The following CACNA2D2 variants were observed in gnomAD, a reference collection of about 807,000 sequenced individuals.
CACNA2D2 encodes the protein calcium voltage-gated channel auxiliary subunit alpha2delta 2.
Under a neutral mutation model 166.4 loss-of-function variants are expected in CACNA2D2, and 48 were observed. That is an observed-to-expected ratio of 0.29 (90% confidence interval 0.23 to 0.37). The LOEUF (loss-of-function observed/expected upper bound fraction) is 0.37. CACNA2D2 is among the 10% of genes least tolerant of loss of function. The pLI is 1.00. For synonymous variants in CACNA2D2, 561 were observed against 573.7 expected (o/e 0.98, Z 0.32); for missense variants, 1,122 against 1,433.0 (o/e 0.78, Z 3.50).
At chr3:50,400,285 T>TCTG (rs745832761) in intron 3 of CACNA2D2, among the ~76,000 whole-genome samples, 1 of 152,230 alleles carries the variant, frequency 6.6e-6, no homozygotes, top group Non-Finnish European at 1.5e-5. Flanking sequence ...CCTGTGGGCC[T>TCTG]CTGCTGCTGC....
chr3:50,368,274 G>A (rs777156879), intron 23 of CACNA2D2, 39 bp from the exon 24 acceptor site: 1 of 1,268,396 alleles, frequency 7.9e-7, no homozygotes, highest in Non-Finnish European at 1.2e-6. Context: ...GGCTTGGGGG[G>A]CTGGACAGGG....
chr3:50,487,263 A>T (rs1361093772), intron 1 of CACNA2D2, among the ~76,000 whole-genome samples: 2 of 152,200 alleles, frequency 1.3e-5, no homozygotes, highest in African/African-American at 4.8e-5. Context: ...GCCTTTTCCA[A>T]CTTTGAGAAG....
intron 2 of CACNA2D2, among the ~76,000 whole-genome samples, chr3:50,473,317 C>A (rs1042054445): frequency 6.6e-6 from 1 of 152,244 alleles, no homozygotes; most frequent in African/African-American, 2.4e-5. Context: ...ACGCTACTGT[C>A]TGCAGTTTCT....
Position 50,379,647 on chromosome 3 carries a change from G to T in CACNA2D2, c.994-57C>A. On this transcript the variant is annotated intron_variant, in intron 10 of 37. Coordinates refer to ENST00000424201, the MANE Select transcript of CACNA2D2 (RefSeq NM_006030.4). This position sits in a 1 kb window ranked among gnomAD's most constrained non-coding sequence, Gnocchi z 6.5. ...AGGCTGGCCGGGGTAGGCAGCTATT[G>T]CATGGGGCTGGTGATGGTCACAGGA... 6.2e-6 allele frequency: 10 copies of T among 1,612,018 alleles called. No homozygotes were observed. The highest frequency in any genetic ancestry group is 8.5e-6 in the Non-Finnish European group (10 of 1,178,596).
chr3:50,386,171 G>C (rs183250343), intron 5 of CACNA2D2, among the ~76,000 whole-genome samples: 1 of 152,134 alleles, frequency 6.6e-6, no homozygotes, highest in East Asian at 1.9e-4. Context: ...CTCTCTTTTC[G>C]GGCAATCTCT....
At chr3:50,441,152 G>C (rs1441789515) in intron 2 of CACNA2D2, among the ~76,000 whole-genome samples, 1 of 152,044 alleles carries the variant, frequency 6.6e-6, no homozygotes, top group Non-Finnish European at 1.5e-5. Context: ...AGGGACATGT[G>C]ACTGACCACA....
At chr3:50,441,165 G>T (rs1205350181) in intron 2 of CACNA2D2, among the ~76,000 whole-genome samples, 2 of 152,084 alleles carry the variant, frequency 1.3e-5, no homozygotes, top group African/African-American at 4.8e-5. Flanking sequence ...TGACCACAAG[G>T]TGAGAAAGGC....
intron 2 of CACNA2D2, among the ~76,000 whole-genome samples, chr3:50,471,234 G>A (rs1316189748): frequency 6.6e-6 from 1 of 151,956 alleles, no homozygotes; most frequent in African/African-American, 2.4e-5. Flanking sequence ...CTGCAGAGGG[G>A]CTGTGCCATG....
At position 50,380,065 on chromosome 3, in the gene CACNA2D2, T is replaced by A. The variant is rs1705222776; in HGVS notation, c.843-47A>T. On this transcript the variant is annotated intron_variant, in intron 8 of 37. Transcript: ENST00000424201. This position sits in a 1 kb window ranked among gnomAD's most constrained non-coding sequence, Gnocchi z 4.9. ...TAGGGTAAGGCCCACTGGGACCTTG[T>A]GGGTCCTTCCTTCCTTCACATACAT... 1.3e-6 allele frequency: 2 copies of A among 1,591,570 alleles called. No homozygotes were observed. Among genetic ancestry groups the A allele is most frequent in the Middle Eastern group, 1.7e-4 (1 of 6,040 alleles).
At chr3:50,499,171 C>T (rs1698852051) in intron 1 of CACNA2D2, among the ~76,000 whole-genome samples, 1 of 152,190 alleles carries the variant, frequency 6.6e-6, no homozygotes, top group Admixed American at 6.5e-5. Context: ...GAGAGTGGCA[C>T]AGCCCAGAGC....
intron 1 of CACNA2D2, among the ~76,000 whole-genome samples, chr3:50,482,674 G>A (rs1698102551): frequency 6.6e-6 from 1 of 152,196 alleles, no homozygotes; most frequent in Non-Finnish European, 1.5e-5. Flanking sequence ...AACATGGGAT[G>A]GTTGTGCCTC....
Position 50,379,007 on chromosome 3 carries a change from G to A in CACNA2D2, c.1261-14C>T, listed in dbSNP as rs376124541. The A allele has an allele frequency of 3.1e-6, 5 of 1,613,796 alleles. No homozygotes were observed. Among genetic ancestry groups the A allele is most frequent in the Non-Finnish European group, 4.2e-6 (5 of 1,180,034 alleles). Reference sequence around the variant, plus strand: ...AAACACGCGCACCTGTGGGGGGTTTGAGGTTACTGCTGTGGCCACCAGGGG... The same window carrying A: ...AAACACGCGCACCTGTGGGGGGTTTAAGGTTACTGCTGTGGCCACCAGGGG... On this transcript the variant is annotated splice_polypyrimidine_tract_variant and intron_variant, in intron 12 of 37. Coordinates refer to ENST00000424201, the MANE Select transcript of CACNA2D2 (RefSeq NM_006030.4). This position sits in a 1 kb window ranked among gnomAD's most constrained non-coding sequence, Gnocchi z 6.5.
At chr3:50,499,113 A>G (rs1431682505) in intron 1 of CACNA2D2, among the ~76,000 whole-genome samples, 2 of 152,184 alleles carry the variant, frequency 1.3e-5, no homozygotes, top group African/African-American at 2.4e-5. Context: ...AGGTGGCCCA[A>G]TGTCTTCCTC....
At position 50,375,041 on chromosome 3, in the gene CACNA2D2, A is replaced by G. The variant is rs190270790; in HGVS notation, c.1908-228T>C. On this transcript the variant is annotated intron_variant, in intron 21 of 37. Coordinates refer to ENST00000424201, the MANE Select transcript of CACNA2D2 (RefSeq NM_006030.4). This position sits in a 1 kb window ranked among gnomAD's most constrained non-coding sequence, Gnocchi z 4.0. Reference sequence around the variant, plus strand: ...TGGGGGCCACCGGGCAACCAGCCCCAAAGCAAATCCCCACACCATCTCCCC... The same window carrying G: ...TGGGGGCCACCGGGCAACCAGCCCCGAAGCAAATCCCCACACCATCTCCCC... Among the ~76,000 whole-genome samples the G allele has an allele frequency of 7.2e-5, 11 of 152,236 alleles. No individual in the cohort carries two copies. The highest frequency in any genetic ancestry group is 2.2e-4 in the African/African-American group (9 of 41,538).
At chr3:50,415,780 A>G (rs1373704015) in intron 3 of CACNA2D2, 1 of 152,274 alleles carries the variant, frequency 6.6e-6, no homozygotes, top group Non-Finnish European at 1.5e-5. Flanking sequence ...CAGGTGAATG[A>G]ATCAATGAAT....
In CACNA2D2 at chr3:50,363,246, A is replaced by C; in HGVS notation, c.*1420T>G. Reference sequence around the variant, plus strand: ...CATGGACACCCACCCTGGCACCAGCAGTGGGCATGGACCACACACACACAC... The same window carrying C: ...CATGGACACCCACCCTGGCACCAGCCGTGGGCATGGACCACACACACACAC... On this transcript the variant is annotated 3_prime_UTR_variant, in exon 38 of 38. Coordinates refer to ENST00000424201, the MANE Select transcript of CACNA2D2 (RefSeq NM_006030.4). The C allele has an allele frequency of 2.5e-6, 1 of 398,910 alleles. No homozygotes were observed. Among genetic ancestry groups the C allele is most frequent in the Non-Finnish European group, 4.4e-6 (1 of 226,066 alleles). The allele number at this position is 398,910 out of a possible 1,614,324, so 24.7% of individuals were successfully genotyped here. A position where few individuals can be genotyped will look rare whatever the true frequency, so the allele number is the denominator to read the frequency against.
chr3:50,363,254 T>G lies in CACNA2D2; in HGVS notation c.*1412A>C. The stretch of plus-strand genomic sequence containing the variant: ...CCCACCCTGGCACCAGCAGTGGGCA[T>G]GGACCACACACACACACTGAGAAAG... On this transcript the variant is annotated 3_prime_UTR_variant, in exon 38 of 38. Transcript: ENST00000424201. The G allele has an allele frequency of 2.5e-6, 1 of 398,868 alleles. No homozygotes were observed. Among genetic ancestry groups the G allele is most frequent in the African/African-American group, 2.1e-5 (1 of 48,712 alleles). The allele number at this position is 398,868 out of a possible 1,614,324, so 24.7% of individuals were successfully genotyped here. A position where few individuals can be genotyped will look rare whatever the true frequency, so the allele number is the denominator to read the frequency against.
At chr3:50,502,968 T>C (rs532019487) in intron 1 of CACNA2D2, among the ~76,000 whole-genome samples, 1 of 152,178 alleles carries the variant, frequency 6.6e-6, no homozygotes, top group Non-Finnish European at 1.5e-5. Flanking sequence ...GGCTTGAAGA[T>C]CTTGCCTTGC....
At position 50,380,316 on chromosome 3, in the gene CACNA2D2, G is replaced by T. The variant is rs587619546; in HGVS notation, c.843-298C>A. ...GTGGCTTGTTGTGTCCTCTGCCTCA[G>T]GTTGGGGCCCCGAGGGCACAGTCTA... On this transcript the variant is annotated intron_variant, in intron 8 of 37. Transcript: ENST00000424201. This position sits in a 1 kb window ranked among gnomAD's most constrained non-coding sequence, Gnocchi z 4.9. Among the ~76,000 whole-genome samples the T allele has an allele frequency of 1.3e-5, 2 of 152,202 alleles. No individual in the cohort carries two copies. Among genetic ancestry groups the T allele is most frequent in the Non-Finnish European group, 2.9e-5 (2 of 68,042 alleles).
Sources: allele counts gnomAD v4.1 joint callset (sites outside exome capture counted in the v4.1 genomes callset), GRCh38; gene constraint gnomAD v4.1.1; non-coding constraint Gnocchi (gnomAD v3.1); transcripts MANE v1.5; gene names NCBI Gene and HGNC (gene_info 2026-07-23, HGNC 2026-07-21).